The following MYO16 variants were observed in gnomAD, a reference collection of about 807,000 sequenced individuals.
MYO16 encodes the protein unconventional myosin-XVI.
A neutral mutation model predicts 205.3 loss-of-function variants in MYO16; 94 were observed. That is an observed-to-expected ratio of 0.46 (90% CI 0.39 to 0.54). The LOEUF (loss-of-function observed/expected upper bound fraction) is 0.54, where lower values mean the gene tolerates loss of function less well. MYO16 is among the 20% of genes least tolerant of loss of function. The pLI, the probability that MYO16 is intolerant of heterozygous loss-of-function variation, is 0.00. For synonymous variants in MYO16, 988 were observed against 954.0 expected, an observed-to-expected ratio of 1.04 and a Z score of -0.66; for missense variants, 2,315 against 2,387.5, an observed-to-expected ratio of 0.97 and a Z score of 0.63.
At chr13:108,956,479 A>G (rs926493371) in intron 16 of MYO16, among the ~76,000 whole-genome samples, 2 of 151,820 alleles carry the variant, frequency 1.3e-5, no homozygotes, top group East Asian at 3.9e-4. Context: ...CTTTGTTGCA[A>G]GGCCCTCAGA....
At chr13:108,994,392 G>C (rs531245414) in intron 21 of MYO16, among the ~76,000 whole-genome samples, 1 of 151,970 alleles carries the variant, frequency 6.6e-6, no homozygotes, top group South Asian at 2.1e-4. Flanking sequence ...AAGCAACTAG[G>C]AGTCATTTAG....
At chr13:108,722,008 C>A (rs1884183307) in intron 3 of MYO16, among the ~76,000 whole-genome samples, 1 of 152,184 alleles carries the variant, frequency 6.6e-6, no homozygotes, top group South Asian at 2.1e-4. Flanking sequence ...AGGTACCATG[C>A]TTGATTTCAC....
chr13:108,667,261 T>G (rs1339255068), intron 2 of MYO16, among the ~76,000 whole-genome samples: 1 of 152,162 alleles, frequency 6.6e-6, no homozygotes, highest in Non-Finnish European at 1.5e-5. Flanking sequence ...GTCATTTTTT[T>G]CATGGTTTTG....
intron 4 of MYO16, among the ~76,000 whole-genome samples, chr13:108,745,192 G>T (rs1370239827): frequency 1.3e-5 from 2 of 152,154 alleles, no homozygotes; most frequent in African/African-American, 2.4e-5. Context: ...GATGAAGATG[G>T]TCTGGAGCGG....
intron 4 of MYO16, among the ~76,000 whole-genome samples, chr13:108,741,488 G>T (rs1390192675): frequency 6.6e-6 from 1 of 152,070 alleles, no homozygotes; most frequent in African/African-American, 2.4e-5. Flanking sequence ...ACCACAGAAA[G>T]GACTTGTTTA....
At chr13:108,855,276 GT>G (rs5806761) in intron 10 of MYO16, 166 bp from the exon 11 acceptor site, 143,416 of 314,770 alleles carry the variant, frequency 0.46, 21,954 homozygotes, top group Non-Finnish European at 0.47. Context: ...TGGCTTTAGA[GT>G]TTTTTTTTTT....
At chr13:108,665,859 G>A in intron 1 of MYO16, 27 bp from the exon 2 acceptor site, 2 of 1,604,512 alleles carry the variant, frequency 1.2e-6, no homozygotes, top group African/African-American at 2.7e-5. Context: ...AATAGGTCTG[G>A]TGACGCTCCC....
intron 24 of MYO16, among the ~76,000 whole-genome samples, chr13:109,051,264 G>A (rs1177832649): frequency 1.3e-5 from 2 of 151,956 alleles, no homozygotes; most frequent in African/African-American, 4.8e-5. Flanking sequence ...CTAATGTAGG[G>A]ATTTTTTTAA....
the MYO16 span, among the ~76,000 whole-genome samples, chr13:108,528,146 G>A: frequency 6.6e-6 from 1 of 152,208 alleles, no homozygotes; most frequent in Non-Finnish European, 1.5e-5. Context: ...CAGAGGTGAA[G>A]CTTTAAGCAA....
chr13:109,182,225 G>A (rs1364443362), intron 34 of MYO16, among the ~76,000 whole-genome samples: 3 of 152,056 alleles, frequency 2.0e-5, no homozygotes, highest in Admixed American at 6.5e-5. Flanking sequence ...TTTCAGTTTC[G>A]CACCTACCAC....
intron 6 of MYO16, among the ~76,000 whole-genome samples, chr13:108,805,157 C>G (rs9587691): frequency 0.011 from 1,623 of 152,202 alleles, 35 homozygotes; most frequent in African/African-American, 0.038. Flanking sequence ...GATCAATTCT[C>G]TAGGAGAGCA....
At chr13:108,724,630 T>C (rs1410694041) in intron 3 of MYO16, among the ~76,000 whole-genome samples, 7 of 152,192 alleles carry the variant, frequency 4.6e-5, no homozygotes, top group East Asian at 1.9e-4. Flanking sequence ...TTTAACTCTT[T>C]AGCGGTATTA....
At chr13:109,173,761 G>A (rs1158301526) in intron 33 of MYO16, among the ~76,000 whole-genome samples, 1 of 151,864 alleles carries the variant, frequency 6.6e-6, no homozygotes, top group Non-Finnish European at 1.5e-5. Context: ...CGGGCGTGGT[G>A]GTGGGCGCCT....
chr13:108,774,140 T>A (rs1886055819), intron 4 of MYO16, among the ~76,000 whole-genome samples: 1 of 152,100 alleles, frequency 6.6e-6, no homozygotes, highest in South Asian at 2.1e-4. Context: ...AATGTGAGTA[T>A]TAATGTGTTA....
At chr13:108,883,658 A>G (rs1879724190) in intron 13 of MYO16, among the ~76,000 whole-genome samples, 1 of 149,660 alleles carries the variant, frequency 6.7e-6, no homozygotes, top group African/African-American at 2.5e-5. Context: ...TTTTTGAGAC[A>G]GGGTCTTGCT....
intron 14 of MYO16, 125 bp from the exon 15 acceptor site, chr13:108,897,891 G>A (rs1880507882): frequency 5.3e-6 from 4 of 758,250 alleles, no homozygotes; most frequent in Non-Finnish European, 8.7e-6. Context: ...ATTCAATATA[G>A]CATTCTATGA....
chr13:108,785,966 A>G (rs190986301), intron 5 of MYO16, among the ~76,000 whole-genome samples: 1 of 152,238 alleles, frequency 6.6e-6, no homozygotes, highest in African/African-American at 2.4e-5. Flanking sequence ...TCTAGAGGCC[A>G]ACAATGAAGG....
intron 34 of MYO16, among the ~76,000 whole-genome samples, chr13:109,204,319 G>A (rs1880516078): frequency 1.3e-5 from 2 of 152,202 alleles, no homozygotes; most frequent in Non-Finnish European, 2.9e-5. Context: ...TCAGTTAAAT[G>A]TTGTTTCCTG....
At chr13:108,724,722 C>T (rs1360890851) in intron 3 of MYO16, among the ~76,000 whole-genome samples, 1 of 152,130 alleles carries the variant, frequency 6.6e-6, no homozygotes, top group Non-Finnish European at 1.5e-5. Context: ...TTTCAGGTGG[C>T]ATCCTACCCA....
Sources: gnomAD v4.1 joint callset for allele counts (sites outside exome capture counted in the v4.1 genomes callset) on GRCh38, gnomAD v4.1.1 for gene constraint, MANE v1.5 for transcripts, NCBI Gene and HGNC (gene_info 2026-07-23, HGNC 2026-07-21) for gene names.